LYPD6: variants seen among roughly 807,000 people sequenced by gnomAD.
The protein encoded by LYPD6 is LY6/PLAUR domain containing 6.
LYPD6 carries 15 observed loss-of-function variants against 22.7 expected under a neutral mutation model. The observed-to-expected ratio is 0.66, with a 90% CI of 0.44 to 1.02. LYPD6 has a LOEUF of 1.02. Ranked by LOEUF, LYPD6 falls within the 50% of genes least tolerant of loss-of-function variation. The pLI is 0.00. For missense variants in LYPD6, 189 were observed against 208.4 expected (o/e 0.91, Z 0.57); for synonymous variants, 72 against 77.5 (o/e 0.93, Z 0.37).
chr2:149,449,269 C>T, intron 3 of LYPD6, 122 bp downstream of exon 3: 1 of 607,166 alleles, frequency 1.6e-6, no homozygotes, highest in Non-Finnish European at 2.9e-6. Flanking sequence ...TTGTCTAAGG[C>T]TATTAGATCT....
chr2:149,352,533 A>C (rs1681377094), intron 1 of LYPD6, among the ~76,000 whole-genome samples: 1 of 152,176 alleles, frequency 6.6e-6, no homozygotes. Context: ...AGGTGTTCAC[A>C]AAGAGACCTT....
intron 1 of LYPD6, among the ~76,000 whole-genome samples, chr2:149,383,195 A>G (rs1469044630): frequency 6.6e-6 from 1 of 152,198 alleles, no homozygotes; most frequent in Non-Finnish European, 1.5e-5. Context: ...TTGAAATTAC[A>G]GGAAAATATT....
At chr2:149,430,876 C>T (rs1256881196) in intron 1 of LYPD6, among the ~76,000 whole-genome samples, 1 of 152,156 alleles carries the variant, frequency 6.6e-6, no homozygotes, top group East Asian at 1.9e-4. Context: ...CTTGACCTGG[C>T]TTATGGTCCT....
chr2:149,390,982 A>G (rs925184132), intron 1 of LYPD6, among the ~76,000 whole-genome samples: 3 of 152,216 alleles, frequency 2.0e-5, no homozygotes, highest in African/African-American at 4.8e-5. Flanking sequence ...GAGGAAGGAC[A>G]TGAGATGCTT....
chr2:149,361,174 A>G (rs1681565251), intron 1 of LYPD6, among the ~76,000 whole-genome samples: 1 of 152,226 alleles, frequency 6.6e-6, no homozygotes. Flanking sequence ...CAGCTAGAAC[A>G]AAGAAAGCTG....
At chr2:149,394,451 C>T (rs1238949613) in intron 1 of LYPD6, among the ~76,000 whole-genome samples, 8 of 152,172 alleles carry the variant, frequency 5.3e-5, no homozygotes, top group Non-Finnish European at 1.2e-4. Flanking sequence ...AGCCCACCAA[C>T]TTGGCATCCA....
chr2:149,351,960 T>C (rs1435321628), intron 1 of LYPD6, among the ~76,000 whole-genome samples: 1 of 152,040 alleles, frequency 6.6e-6, no homozygotes, highest in Non-Finnish European at 1.5e-5. Flanking sequence ...TGTGGTGAGC[T>C]GCCCCTGCCC....
chr2:149,418,396 C>T (rs1683009826), intron 1 of LYPD6, among the ~76,000 whole-genome samples: 1 of 151,336 alleles, frequency 6.6e-6, no homozygotes, highest in African/African-American at 2.5e-5. Context: ...GGATGTTGCT[C>T]ACGCATTATC....
chr2:149,341,796 T>C (rs1384288208), intron 1 of LYPD6, among the ~76,000 whole-genome samples: 2 of 152,188 alleles, frequency 1.3e-5, no homozygotes, highest in Non-Finnish European at 2.9e-5. Flanking sequence ...TAAGGCCATG[T>C]GAAGAAGTCT....
At chr2:149,349,173 A>T (rs1252234695) in intron 1 of LYPD6, among the ~76,000 whole-genome samples, 1 of 152,098 alleles carries the variant, frequency 6.6e-6, no homozygotes, top group Non-Finnish European at 1.5e-5. Context: ...AATTCAGGGG[A>T]GACATCTGGG....
chr2:149,435,248 C>T (rs948731271), intron 1 of LYPD6, among the ~76,000 whole-genome samples: 1 of 152,184 alleles, frequency 6.6e-6, no homozygotes, highest in Non-Finnish European at 1.5e-5. Flanking sequence ...GTTGTATAAG[C>T]CCCCCAGTCT....
intron 1 of LYPD6, among the ~76,000 whole-genome samples, chr2:149,422,677 AT>A: frequency 6.6e-6 from 1 of 152,302 alleles, no homozygotes; most frequent in South Asian, 2.1e-4. Flanking sequence ...TCTAGTCACC[AT>A]GCTGTACAAC....
intron 1 of LYPD6, among the ~76,000 whole-genome samples, chr2:149,390,292 C>T (rs1025084098): frequency 5.9e-5 from 9 of 152,224 alleles, no homozygotes; most frequent in Admixed American, 3.9e-4. Flanking sequence ...ATCTCTACTT[C>T]GAATGATCTC....
At chr2:149,369,244 A>G (rs916714021) in intron 1 of LYPD6, among the ~76,000 whole-genome samples, 1 of 152,196 alleles carries the variant, frequency 6.6e-6, no homozygotes, top group African/African-American at 2.4e-5. Context: ...CACACTTTTT[A>G]GAATTTAGGT....
At chr2:149,428,137 A>G (rs577369624) in intron 1 of LYPD6, among the ~76,000 whole-genome samples, 12 of 152,348 alleles carry the variant, frequency 7.9e-5, no homozygotes, top group African/African-American at 2.9e-4. Flanking sequence ...GTTCTCTATT[A>G]TTGACATTTT....
At chr2:149,451,748 C>T (rs1339004313) in intron 3 of LYPD6, among the ~76,000 whole-genome samples, 1 of 152,120 alleles carries the variant, frequency 6.6e-6, no homozygotes, top group African/African-American at 2.4e-5. Context: ...ATCTTTCTGT[C>T]CTTCAATTTA....
intron 3 of LYPD6, among the ~76,000 whole-genome samples, chr2:149,451,361 T>C (rs1479624114): frequency 6.6e-6 from 1 of 152,182 alleles, no homozygotes; most frequent in Non-Finnish European, 1.5e-5. Context: ...CCTCTTAATA[T>C]CCTCACATTG....
At chr2:149,407,929 G>C (rs1682759342) in intron 1 of LYPD6, among the ~76,000 whole-genome samples, 2 of 152,148 alleles carry the variant, frequency 1.3e-5, no homozygotes, top group Admixed American at 6.5e-5. Flanking sequence ...TGTCCTTTCT[G>C]TTTGTTAGTT....
intron 3 of LYPD6, among the ~76,000 whole-genome samples, chr2:149,462,473 T>G (rs1277755592): frequency 6.6e-6 from 1 of 151,448 alleles, no homozygotes; most frequent in Admixed American, 6.6e-5. Context: ...CATAGTAAAA[T>G]GTCAGTTCTC....
Sources: gnomAD v4.1 joint callset for allele counts (sites outside exome capture counted in the v4.1 genomes callset) on GRCh38, gnomAD v4.1.1 for gene constraint, MANE v1.5 for transcripts, NCBI Gene and HGNC (gene_info 2026-07-23, HGNC 2026-07-21) for gene names.